Variants in ZNF26 observed in about 807,000 individuals in gnomAD.
ZNF26 encodes zinc finger protein 26.
ZNF26 carries 32 observed loss-of-function variants against 54.9 expected under a neutral mutation model. The ratio of observed to expected loss-of-function variants is 0.58; its 90% CI spans 0.44 to 0.78. The LOEUF is 0.78. ZNF26 is among the 30% of genes least tolerant of loss of function. The pLI is 0.00. For missense variants in ZNF26, 524 were observed against 634.0 expected (o/e 0.83, Z 1.86); for synonymous variants, 221 against 209.2 (o/e 1.06, Z -0.49).
At chr12:132,986,912 A>C in intron 1 of ZNF26, 39 bp downstream of exon 1, 1 of 1,584,192 alleles carries the variant, frequency 6.3e-7, no homozygotes, top group South Asian at 1.1e-5. Flanking sequence ...TCGACTGGAT[A>C]CTGAGGGTGG....
chr12:133,000,591 A>AT (rs769020313), intron 1 of ZNF26, among the ~76,000 whole-genome samples: 1 of 151,812 alleles, frequency 6.6e-6, no homozygotes, highest in African/African-American at 2.4e-5. Flanking sequence ...CACCCAGCTA[A>AT]TTTTTTGTAT....
Position 133,012,635 on chromosome 12 carries a change from C to G in ZNF26, c.*1154C>G, listed in dbSNP as rs1182442392. On this transcript the variant is annotated 3_prime_UTR_variant, in exon 4 of 4. Transcript: ENST00000328654. ...GAGACTAAGTTTCACTCTTGTCCTC[C>G]AGGCTGGAATGCAATGGCATGATCT... 3 of 114,354 alleles carry G rather than the reference C, an allele frequency of 2.6e-5. No individual in the cohort carries two copies. The East Asian group carries it at 8.3e-4, about 32-fold the overall frequency. 7.1% of individuals were successfully genotyped at this position (114,354 alleles called of 1,614,324 possible).
rs1953514089 is a variant in ZNF26 at position 133,012,895 on chromosome 12, T to C, written c.*1414T>C. ...AGCCCGGCCAGCTTTCTATTTCTTA[T>C]AACCTAAGGGCTTTAACTGATCAGT... On this transcript the variant is annotated 3_prime_UTR_variant, in exon 4 of 4. Transcript: ENST00000328654. 1 of 152,154 alleles carries C rather than the reference T, an allele frequency of 6.6e-6. No individual in the cohort carries two copies. The highest frequency in any genetic ancestry group is 1.5e-5 in the Non-Finnish European group (1 of 68,062). 9.4% of individuals were successfully genotyped at this position (152,154 alleles called of 1,614,324 possible). A position where few individuals can be genotyped will look rare whatever the true frequency, so the allele number is the denominator to read the frequency against.
Position 133,020,323 on chromosome 12 carries a change from A to C in ZNF26, c.*8842A>C, listed in dbSNP as rs1302798794. ...TTTGAAAGCTAAAAAAGTAGACCTC[A>C]TGAAGATAGAGTTGATGGTGGTTAC... On this transcript the variant is annotated 3_prime_UTR_variant, in exon 4 of 4. Coordinates refer to ENST00000328654, the MANE Select transcript of ZNF26 (RefSeq NM_019591.4). 6.6e-6 allele frequency: 1 copy of C among 152,186 alleles called. No individual in the cohort carries two copies. Among genetic ancestry groups the C allele is most frequent in the Non-Finnish European group, 1.5e-5 (1 of 68,024 alleles). The allele number at this position is 152,186 out of a possible 1,614,324, so 9.4% of individuals were successfully genotyped here. A position where few individuals can be genotyped will look rare whatever the true frequency, so the allele number is the denominator to read the frequency against.
chr12:133,023,317 T>G lies in ZNF26; in HGVS notation c.*11836T>G, dbSNP rs1321187227. 1.3e-5 allele frequency: 2 copies of G among 152,274 alleles called. No homozygotes were observed. The highest frequency in any genetic ancestry group is 1.5e-5 in the Non-Finnish European group (1 of 68,004). 9.4% of individuals were successfully genotyped at this position (152,274 alleles called of 1,614,324 possible). On this transcript the variant is annotated 3_prime_UTR_variant, in exon 4 of 4. Coordinates refer to ENST00000328654, the MANE Select transcript of ZNF26 (RefSeq NM_019591.4). ...ATCAAAAGCTTCCCTCAGTGAAATA[T>G]AGCAAAGCCCAGATGGATGTCCAAT...
Position 133,007,809 on chromosome 12 carries a change from C to G in ZNF26, c.256+277C>G, listed in dbSNP as rs1234976351. Among the ~76,000 whole-genome samples the G allele has an allele frequency of 2.0e-5, 3 of 152,184 alleles. No individual in the cohort carries two copies. In the East Asian group the frequency reaches 5.8e-4, roughly 29 times the overall value. The stretch of plus-strand genomic sequence containing the variant: ...CTTTTGGGTAAGTTTCCGTCCTCCC[C>G]ATGGTCATGGGTTTTATTGGGCATC... On this transcript the variant is annotated intron_variant, in intron 3 of 3. Coordinates refer to ENST00000328654, the MANE Select transcript of ZNF26 (RefSeq NM_019591.4).
At position 133,026,567 on chromosome 12, in the gene ZNF26, C is replaced by G. The variant is rs1160254841; in HGVS notation, c.*15086C>G. The G allele has an allele frequency of 4.9e-5, 7 of 142,776 alleles. No homozygotes were observed. Among genetic ancestry groups the G allele is most frequent in the Non-Finnish European group, 1.0e-4 (7 of 66,898 alleles). 8.8% of individuals were successfully genotyped at this position (142,776 alleles called of 1,614,324 possible). On this transcript the variant is annotated 3_prime_UTR_variant, in exon 4 of 4. Transcript: ENST00000328654. ...TTTGATACAGAGTCTCGTTCTGTCACCCAGGCTGGAGTGCAGTGGCATAAT... is the reference window on the plus strand; with the variant it reads ...TTTGATACAGAGTCTCGTTCTGTCAGCCAGGCTGGAGTGCAGTGGCATAAT...
In ZNF26 at chr12:133,024,066, G is replaced by A. The variant is rs1251398080; in HGVS notation, c.*12585G>A. ...AACAGGAACCATCAGAAATAATAAC[G>A]TCTTTGTTGCTATTTGTGCTATAAT... On this transcript the variant is annotated 3_prime_UTR_variant, in exon 4 of 4. Coordinates refer to ENST00000328654, the MANE Select transcript of ZNF26 (RefSeq NM_019591.4). The A allele has an allele frequency of 2.0e-5, 3 of 152,170 alleles. No homozygotes were observed. Among genetic ancestry groups the A allele is most frequent in the Admixed American group, 6.5e-5 (1 of 15,276 alleles). 9.4% of individuals were successfully genotyped at this position (152,170 alleles called of 1,614,324 possible).
At position 133,022,186 on chromosome 12, in the gene ZNF26, C is replaced by G. The variant is rs1953652628; in HGVS notation, c.*10705C>G. On this transcript the variant is annotated 3_prime_UTR_variant, in exon 4 of 4. Coordinates refer to ENST00000328654, the MANE Select transcript of ZNF26 (RefSeq NM_019591.4). ...TGAGCCGGGATCACATCACTGCACT[C>G]CAGCCTGGGTGACAGAGTGAGACCC... The G allele has an allele frequency of 1.3e-5, 2 of 152,058 alleles. No individual in the cohort carries two copies. Among genetic ancestry groups the G allele is most frequent in the Admixed American group, 6.6e-5 (1 of 15,266 alleles). The allele number at this position is 152,058 out of a possible 1,614,324, so 9.4% of individuals were successfully genotyped here.
At chr12:132,996,252 T>G (rs1465866574) in intron 1 of ZNF26, among the ~76,000 whole-genome samples, 1 of 152,166 alleles carries the variant, frequency 6.6e-6, no homozygotes, top group Non-Finnish European at 1.5e-5. Flanking sequence ...CTGGGGCACA[T>G]CAAAACCTTC....
rs1156507334 is a variant in ZNF26 at position 133,024,693 on chromosome 12, AAAAG to A, written c.*13213_*13216del. The A allele has an allele frequency of 1.3e-5, 2 of 152,324 alleles. No homozygotes were observed. The highest frequency in any genetic ancestry group is 1.9e-4 in the East Asian group (1 of 5,176). 9.4% of individuals were successfully genotyped at this position (152,324 alleles called of 1,614,324 possible). On this transcript the variant is annotated 3_prime_UTR_variant, in exon 4 of 4. Coordinates refer to ENST00000328654, the MANE Select transcript of ZNF26 (RefSeq NM_019591.4). ...CCTGACCCCCTTCAATGAATAAACA[AAAAG>A]GACTTCTAAGGACTTGAGAGAATGC...
chr12:132,990,977 G>C (rs2137211185), intron 1 of ZNF26, among the ~76,000 whole-genome samples: 1 of 151,860 alleles, frequency 6.6e-6, no homozygotes, highest in South Asian at 2.1e-4. Context: ...TCCTGCCTCA[G>C]CCTCCCGAGT....
chr12:132,989,781 A>G (rs1381123149), intron 1 of ZNF26, among the ~76,000 whole-genome samples: 2 of 152,180 alleles, frequency 1.3e-5, no homozygotes, highest in African/African-American at 4.8e-5. Context: ...TAGGACTTCC[A>G]GTACAATGTT....
rs1953447221 is a variant in ZNF26 at position 133,010,525 on chromosome 12, A to G, written c.646A>G (p.Asn216Asp). The change falls in exon 4 of 4, where the codon AAC becomes GAC. Residue 216 changes from asparagine to aspartate, a missense_variant. Coordinates refer to ENST00000328654, the MANE Select transcript of ZNF26 (RefSeq NM_019591.4). ...KCERAFSAKS[N>D]LNAHQRVHTG... ...TGAAAGAGCCTTCAGTGCCAAGTCA[A>G]ACCTTAATGCTCATCAGAGAGTTCA... 3 of 1,614,106 alleles carry G rather than the reference A, an allele frequency of 1.9e-6. No individual in the cohort carries two copies. Among genetic ancestry groups the G allele is most frequent in the Non-Finnish European group, 2.5e-6 (3 of 1,180,012 alleles).
At chr12:132,987,354 G>C (rs1426231124) in intron 1 of ZNF26, among the ~76,000 whole-genome samples, 1 of 152,164 alleles carries the variant, frequency 6.6e-6, no homozygotes, top group African/African-American at 2.4e-5. Flanking sequence ...GTAGTCTAGT[G>C]AACTATGGAC....
intron 1 of ZNF26, chr12:132,987,842 G>C: frequency 7.6e-6 from 4 of 525,536 alleles, no homozygotes; most frequent in Non-Finnish European, 9.8e-6. Flanking sequence ...ACGAGAGAAA[G>C]TTAGGAGTGG....
rs955805050 is a variant in ZNF26 at position 132,996,653 on chromosome 12, A to C, written c.33+9780A>C. Among the ~76,000 whole-genome samples, 301 of 152,360 alleles carry C rather than the reference A, an allele frequency of 2.0e-3. 2 individuals carry two copies. The highest frequency in any genetic ancestry group is 6.8e-3 in the African/African-American group (284 of 41,586). On this transcript the variant is annotated intron_variant, in intron 1 of 3. Coordinates refer to ENST00000328654, the MANE Select transcript of ZNF26 (RefSeq NM_019591.4). ...CCATGTAAGTCTACTCATCATAAAC[A>C]TGGCATGTTGCTTCAATCTCTTTGT...
At position 133,018,283 on chromosome 12, in the gene ZNF26, T is replaced by G. The variant is rs1953594024; in HGVS notation, c.*6802T>G. 6.6e-6 allele frequency: 1 copy of G among 152,116 alleles called. No individual in the cohort carries two copies. The allele number at this position is 152,116 out of a possible 1,614,324, so 9.4% of individuals were successfully genotyped here. On this transcript the variant is annotated 3_prime_UTR_variant, in exon 4 of 4. Transcript: ENST00000328654. ...CAGCCTCTTTAAATTATAAAATATA[T>G]AAAGCAATATTTATAGCAATGTGTT... is the stretch of plus-strand genomic sequence containing the variant.
At chr12:133,004,129 A>G (rs1221934369) in intron 1 of ZNF26, among the ~76,000 whole-genome samples, 2 of 151,878 alleles carry the variant, frequency 1.3e-5, no homozygotes, top group African/African-American at 4.8e-5. Context: ...GTTCTTTCTC[A>G]GTCGGTTTTT....
Sources: gnomAD v4.1 joint callset for allele counts (sites outside exome capture counted in the v4.1 genomes callset) on GRCh38, gnomAD v4.1.1 for gene constraint, MANE v1.5 for transcripts, NCBI Gene and HGNC (gene_info 2026-07-23, HGNC 2026-07-21) for gene names.